Variants in SUPT3H observed in about 807,000 individuals in gnomAD.
The protein encoded by SUPT3H is SPT3 homolog, SAGA and STAGA complex component.
SUPT3H carries 44 observed loss-of-function variants against 44.3 expected under a neutral mutation model. The observed-to-expected ratio is 0.99, with a 90% confidence interval of 0.78 to 1.28. The LOEUF (loss-of-function observed/expected upper bound fraction) is 1.28. Ranked by LOEUF, SUPT3H falls within the 50% of genes most tolerant of loss-of-function variation. The pLI, the probability that SUPT3H is intolerant of heterozygous loss-of-function variation, is 0.00. For synonymous variants in SUPT3H, 124 were observed against 125.6 expected, an observed-to-expected ratio of 0.99 and a Z score of 0.09; for missense variants, 380 against 387.1, an observed-to-expected ratio of 0.98 and a Z score of 0.15.
At chr6:45,336,797 A>C (rs994611361) in intron 2 of SUPT3H, among the ~76,000 whole-genome samples, 1 of 151,524 alleles carries the variant, frequency 6.6e-6, no homozygotes, top group South Asian at 2.1e-4. Flanking sequence ...TTAATAATAC[A>C]TGTAACTCAA....
At chr6:45,332,030 T>C (rs924239822) in intron 2 of SUPT3H, among the ~76,000 whole-genome samples, 1 of 151,938 alleles carries the variant, frequency 6.6e-6, no homozygotes, top group Admixed American at 6.6e-5. Flanking sequence ...AATTAATATT[T>C]ATTGAATAGA....
At chr6:45,218,828 G>C (rs961988377) in intron 2 of SUPT3H, among the ~76,000 whole-genome samples, 1 of 151,964 alleles carries the variant, frequency 6.6e-6, no homozygotes, top group Non-Finnish European at 1.5e-5. Flanking sequence ...TACTACACCA[G>C]AAAAAAGTAC....
intron 2 of SUPT3H, among the ~76,000 whole-genome samples, chr6:45,160,263 G>A (rs986986757): frequency 6.6e-6 from 1 of 152,092 alleles, no homozygotes; most frequent in African/African-American, 2.4e-5. Flanking sequence ...CTTCAAACAA[G>A]GCAGTTAAAG....
At chr6:45,099,867 G>A (rs888526674) in intron 3 of SUPT3H, among the ~76,000 whole-genome samples, 20 of 151,924 alleles carry the variant, frequency 1.3e-4, no homozygotes, top group Non-Finnish European at 2.6e-4. Context: ...ATTTAACTTC[G>A]ATGTGCAAAG....
intron 5 of SUPT3H, among the ~76,000 whole-genome samples, chr6:45,006,485 T>C (rs1782734184): frequency 1.3e-5 from 2 of 152,218 alleles, no homozygotes; most frequent in South Asian, 4.1e-4. Flanking sequence ...CACCCCTTTT[T>C]CCATTTTCTT....
chr6:45,226,633 G>A (rs1034385904), intron 2 of SUPT3H, among the ~76,000 whole-genome samples: 2 of 152,074 alleles, frequency 1.3e-5, no homozygotes, highest in African/African-American at 2.4e-5. Context: ...TCCGCATCCC[G>A]GGTTCAAGCA....
In SUPT3H at chr6:44,932,911, G is replaced by T. The variant is rs512747; in HGVS notation, c.802-148C>A. 4.2e-3 allele frequency: 1,916 copies of T among 453,580 alleles called. 40 individuals carry two copies. The highest frequency in any genetic ancestry group is 0.035 in the African/African-American group (1,730 of 49,124). 28.1% of individuals were successfully genotyped at this position (453,580 alleles called of 1,614,324 possible). ...ACTGCCATATACTACATCTAAAAAA[G>T]AATTCCATTAACAAATCAAAGATGA... is the stretch of plus-strand genomic sequence containing the variant. On this transcript the variant is annotated intron_variant, in intron 9 of 10. Coordinates refer to ENST00000371459, the MANE Select transcript of SUPT3H (RefSeq NM_003599.4).
chr6:45,083,712 A>C (rs1024115203), intron 3 of SUPT3H, among the ~76,000 whole-genome samples: 14 of 152,082 alleles, frequency 9.2e-5, no homozygotes, highest in South Asian at 2.1e-4. Context: ...AAAAAAAAAA[A>C]AACCAAACAC....
chr6:44,959,035 C>T (rs543895263), intron 7 of SUPT3H, among the ~76,000 whole-genome samples: 1 of 152,070 alleles, frequency 6.6e-6, no homozygotes, highest in Admixed American at 6.5e-5. Context: ...ACCACCACGC[C>T]TGGCTTGTTT....
At chr6:44,900,269 C>T (rs1313072345) in intron 10 of SUPT3H, among the ~76,000 whole-genome samples, 1 of 152,218 alleles carries the variant, frequency 6.6e-6, no homozygotes, top group Non-Finnish European at 1.5e-5. Flanking sequence ...ATTACCTTTC[C>T]TAGTCAAAGA....
chr6:45,152,706 G>A (rs1252031653), intron 2 of SUPT3H, among the ~76,000 whole-genome samples: 1 of 151,976 alleles, frequency 6.6e-6, no homozygotes, highest in Non-Finnish European at 1.5e-5. Context: ...TGGCCAGGCT[G>A]GTCTCAAACT....
intron 10 of SUPT3H, among the ~76,000 whole-genome samples, chr6:44,839,512 T>C (rs1245548906): frequency 1.3e-5 from 2 of 152,120 alleles, no homozygotes; most frequent in Admixed American, 6.5e-5. Context: ...CTCACTTTGT[T>C]GCCCAGGCTG....
chr6:44,888,411 T>C (rs2153439396), intron 10 of SUPT3H, among the ~76,000 whole-genome samples: 1 of 152,240 alleles, frequency 6.6e-6, no homozygotes, highest in East Asian at 1.9e-4. Context: ...AAAAAGCTTA[T>C]CCACCATGAT....
intron 5 of SUPT3H, among the ~76,000 whole-genome samples, chr6:45,012,016 G>A (rs1783556587): frequency 6.6e-6 from 1 of 150,622 alleles, no homozygotes; most frequent in South Asian, 2.1e-4. Context: ...TGATTGCTAT[G>A]TTGATGAGAA....
At chr6:44,899,335 C>T (rs1420163542) in intron 10 of SUPT3H, 4 of 152,076 alleles carry the variant, frequency 2.6e-5, no homozygotes, top group Non-Finnish European at 5.9e-5. Flanking sequence ...ATTTGTAGTC[C>T]TGATGAATAA....
intron 2 of SUPT3H, among the ~76,000 whole-genome samples, chr6:45,237,899 G>A (rs1769499071): frequency 6.6e-6 from 1 of 152,152 alleles, no homozygotes; most frequent in Admixed American, 6.5e-5. Flanking sequence ...AGCCAGGATT[G>A]CCTTCTCCTG....
intron 9 of SUPT3H, among the ~76,000 whole-genome samples, chr6:44,936,749 CCT>C (rs1247909026): frequency 2.0e-5 from 3 of 152,158 alleles, no homozygotes; most frequent in Non-Finnish European, 2.9e-5. Context: ...CTCAATGCAA[CCT>C]CTGTTACCCA....
intron 3 of SUPT3H, among the ~76,000 whole-genome samples, chr6:45,028,524 T>C (rs1219625546): frequency 6.6e-6 from 1 of 152,042 alleles, no homozygotes; most frequent in East Asian, 1.9e-4. Context: ...GTTTATACAC[T>C]TAAAATTATT....
intron 10 of SUPT3H, among the ~76,000 whole-genome samples, chr6:44,853,152 T>C (rs961692239): frequency 2.6e-5 from 4 of 152,202 alleles, no homozygotes; most frequent in African/African-American, 9.6e-5. Flanking sequence ...TAACATGTAT[T>C]AACTTATTTA....
Sources: allele counts gnomAD v4.1 joint callset (sites outside exome capture counted in the v4.1 genomes callset), GRCh38; gene constraint gnomAD v4.1.1; transcripts MANE v1.5; gene names NCBI Gene and HGNC (gene_info 2026-07-23, HGNC 2026-07-21).